LRBA: variants seen among roughly 807,000 people sequenced by gnomAD.
The protein encoded by LRBA is lipopolysaccharide-responsive and beige-like anchor protein.
In LRBA, 176 loss-of-function variants were observed where a neutral mutation model predicts 330.0. The ratio of observed to expected loss-of-function variants is 0.53; its 90% CI spans 0.47 to 0.60. The LOEUF (loss-of-function observed/expected upper bound fraction) is 0.60. Among genes scored for constraint, LRBA ranks in the 20% least tolerant of loss-of-function variants. The pLI is 0.00. For synonymous variants in LRBA, 1,230 were observed against 1,193.0 expected, an observed-to-expected ratio of 1.03 and a Z score of -0.64; for missense variants, 3,259 against 3,444.8, an observed-to-expected ratio of 0.95 and a Z score of 1.35.
intron 5 of LRBA, among the ~76,000 whole-genome samples, chr4:150,918,301 A>G (rs1732870936): frequency 6.6e-6 from 1 of 152,238 alleles, no homozygotes; most frequent in African/African-American, 2.4e-5. Flanking sequence ...AATGGGCAAA[A>G]GATCTAAATA....
chr4:150,774,557 T>C (rs1031095216), intron 34 of LRBA, among the ~76,000 whole-genome samples: 2 of 152,254 alleles, frequency 1.3e-5, no homozygotes, highest in African/African-American at 4.8e-5. Context: ...GGCTTCAGCC[T>C]GTGTGCCCAC....
At chr4:150,949,304 A>C (rs1736569991) in intron 2 of LRBA, among the ~76,000 whole-genome samples, 2 of 152,088 alleles carry the variant, frequency 1.3e-5, no homozygotes, top group South Asian at 4.1e-4. Flanking sequence ...ATCTAGAAGA[A>C]TCTCCAGAGA....
chr4:150,741,104 G>A (rs755299266), intron 35 of LRBA, among the ~76,000 whole-genome samples: 10 of 151,888 alleles, frequency 6.6e-5, no homozygotes, highest in Admixed American at 2.0e-4. Context: ...TGACTGGGTC[G>A]ATGTAAAGAC....
At chr4:150,970,553 G>A (rs1331677459) in intron 2 of LRBA, 1 of 31,938 alleles carries the variant, frequency 3.1e-5, no homozygotes, top group South Asian at 8.3e-4. Context: ...GTGTGTGTGT[G>A]TGTACACACA....
At chr4:150,424,224 G>A (rs1445763717) in intron 46 of LRBA, among the ~76,000 whole-genome samples, 2 of 152,188 alleles carry the variant, frequency 1.3e-5, no homozygotes, top group Non-Finnish European at 2.9e-5. Flanking sequence ...AAGAGAGCGA[G>A]CATATATACA....
At chr4:150,362,676 C>G (rs1350325332) in intron 47 of LRBA, among the ~76,000 whole-genome samples, 1 of 152,134 alleles carries the variant, frequency 6.6e-6, no homozygotes, top group African/African-American at 2.4e-5. Flanking sequence ...CACCACCTCC[C>G]CAAAGAAAAA....
intron 40 of LRBA, among the ~76,000 whole-genome samples, chr4:150,554,845 T>TA (rs1324323185): frequency 1.3e-5 from 2 of 152,090 alleles, no homozygotes; most frequent in African/African-American, 2.4e-5. Context: ...ATGCCACTTA[T>TA]AAAAAACTCA....
intron 30 of LRBA, 124 bp downstream of exon 30, chr4:150,828,056 G>A: frequency 1.3e-6 from 1 of 743,756 alleles, no homozygotes; most frequent in Non-Finnish European, 2.2e-6. Flanking sequence ...TGGTAGTTAA[G>A]TTCTGAGGGA....
At chr4:150,656,056 T>C (rs914559256) in intron 37 of LRBA, among the ~76,000 whole-genome samples, 6 of 152,216 alleles carry the variant, frequency 3.9e-5, no homozygotes, top group African/African-American at 1.2e-4. Flanking sequence ...TTCTGGGTTT[T>C]GGAAGGGTTT....
chr4:150,483,118 T>TA (rs1160041137), intron 42 of LRBA, among the ~76,000 whole-genome samples: 5 of 152,112 alleles, frequency 3.3e-5, no homozygotes, highest in Non-Finnish European at 7.4e-5. Flanking sequence ...TTTTAGCACT[T>TA]ACGTTTGTCT....
chr4:150,668,763 T>C (rs1276849533), intron 37 of LRBA, among the ~76,000 whole-genome samples: 1 of 152,040 alleles, frequency 6.6e-6, no homozygotes, highest in Non-Finnish European at 1.5e-5. Context: ...TACCATAACA[T>C]GGGAAGTAGA....
intron 37 of LRBA, among the ~76,000 whole-genome samples, chr4:150,655,692 C>T (rs1780116266): frequency 6.6e-6 from 1 of 152,168 alleles, no homozygotes; most frequent in African/African-American, 2.4e-5. Flanking sequence ...CTTTTCACAC[C>T]ACTGACAAGA....
intron 26 of LRBA, among the ~76,000 whole-genome samples, chr4:150,846,879 C>T (rs1028974763): frequency 6.6e-6 from 1 of 152,008 alleles, no homozygotes; most frequent in African/African-American, 2.4e-5. Flanking sequence ...AATTCTTTTC[C>T]GTGGCTATGA....
chr4:150,767,061 A>G (rs1735853769), intron 34 of LRBA, among the ~76,000 whole-genome samples: 3 of 152,172 alleles, frequency 2.0e-5, no homozygotes, highest in African/African-American at 2.4e-5. Context: ...CCAAATTTCA[A>G]GACTGTATTC....
At chr4:150,357,430 C>G (rs1187894863) in intron 47 of LRBA, among the ~76,000 whole-genome samples, 2 of 151,946 alleles carry the variant, frequency 1.3e-5, no homozygotes, top group Non-Finnish European at 2.9e-5. Context: ...ATTAGACAAA[C>G]TTGTACAATT....
chr4:150,426,515 T>C (rs1355704897), intron 46 of LRBA, among the ~76,000 whole-genome samples: 4 of 152,060 alleles, frequency 2.6e-5, no homozygotes, highest in East Asian at 3.9e-4. Context: ...CTCACCTCAA[T>C]TGCCATTTCA....
intron 55 of LRBA, among the ~76,000 whole-genome samples, chr4:150,279,725 A>C (rs1747261297): frequency 6.6e-6 from 1 of 152,192 alleles, no homozygotes; most frequent in African/African-American, 2.4e-5. Flanking sequence ...TTAGTTACAT[A>C]TTCTCTAAGT....
intron 51 of LRBA, chr4:150,310,903 T>C (rs972053493): frequency 6.6e-6 from 1 of 152,398 alleles, no homozygotes; most frequent in Admixed American, 6.5e-5. Flanking sequence ...GAACTCCCAT[T>C]TCCCCTGTTT....
At chr4:150,289,484 C>A (rs1227455467) in intron 53 of LRBA, among the ~76,000 whole-genome samples, 2 of 152,098 alleles carry the variant, frequency 1.3e-5, no homozygotes, top group Non-Finnish European at 2.9e-5. Flanking sequence ...AAATTAAAAG[C>A]ATAAGGGTAG....
Sources: allele counts gnomAD v4.1 joint callset (sites outside exome capture counted in the v4.1 genomes callset), GRCh38; gene constraint gnomAD v4.1.1; transcripts MANE v1.5; gene names NCBI Gene and HGNC (gene_info 2026-07-23, HGNC 2026-07-21).